The following AKAP6 variants were observed in gnomAD, a reference collection of about 807,000 sequenced individuals.
AKAP6 encodes A-kinase anchoring protein 6, also known as A-kinase anchor protein 6.
In AKAP6, 58 loss-of-function variants were observed where a neutral mutation model predicts 188.5. The ratio of observed to expected loss-of-function variants is 0.31; its 90% CI spans 0.25 to 0.38. The LOEUF (loss-of-function observed/expected upper bound fraction) is 0.38, where lower values mean the gene tolerates loss of function less well. AKAP6 is among the 10% of genes least tolerant of loss of function. The pLI, the probability that AKAP6 is intolerant of heterozygous loss-of-function variation, is 1.00. For synonymous variants in AKAP6, 989 were observed against 998.6 expected (o/e 0.99, Z 0.18); for missense variants, 2,710 against 2,740.0 (o/e 0.99, Z 0.24).
At chr14:32,560,881 C>G (rs368337324) in intron 4 of AKAP6, among the ~76,000 whole-genome samples, 2 of 152,010 alleles carry the variant, frequency 1.3e-5, no homozygotes, top group African/African-American at 4.8e-5. Context: ...ATTTCTTGTC[C>G]CCTTGCAAAC....
intron 2 of AKAP6, among the ~76,000 whole-genome samples, chr14:32,515,021 A>G (rs975823858): frequency 6.6e-6 from 1 of 152,152 alleles, no homozygotes; most frequent in East Asian, 1.9e-4. Context: ...CCTAGAATGT[A>G]TTAGTCTGTT....
At chr14:32,524,524 G>A (rs1882024366) in intron 2 of AKAP6, among the ~76,000 whole-genome samples, 2 of 151,996 alleles carry the variant, frequency 1.3e-5, no homozygotes, top group Admixed American at 1.3e-4. Flanking sequence ...ACAGTCATTT[G>A]TTTCATTTTA....
chr14:32,650,194 G>A (rs1253412973), intron 7 of AKAP6, among the ~76,000 whole-genome samples: 1 of 152,114 alleles, frequency 6.6e-6, no homozygotes, highest in Admixed American at 6.6e-5. Context: ...ATGCAAATGA[G>A]GATATCCAGT....
chr14:32,520,821 G>C lies in AKAP6; in HGVS notation c.325-14733G>C, dbSNP rs189801184. Among the ~76,000 whole-genome samples the C allele has an allele frequency of 3.7e-3, 562 of 152,220 alleles. 2 individuals carry two copies. The highest frequency in any genetic ancestry group is 0.024 in the Middle Eastern group (7 of 294). ...ACTATTCCAATCAATAGAAAAAGAGGGAATCCTCCCTAACTCATTTTATGA... is the reference window on the plus strand; with the variant it reads ...ACTATTCCAATCAATAGAAAAAGAGCGAATCCTCCCTAACTCATTTTATGA... On this transcript the variant is annotated intron_variant, in intron 2 of 13. Transcript: ENST00000280979.
At chr14:32,632,452 T>G (rs1887315291) in intron 7 of AKAP6, among the ~76,000 whole-genome samples, 1 of 152,106 alleles carries the variant, frequency 6.6e-6, no homozygotes, top group African/African-American at 2.4e-5. Context: ...CTATAAAATA[T>G]TTTGTAGGAT....
chr14:32,796,063 T>A (rs999884470), intron 12 of AKAP6, among the ~76,000 whole-genome samples: 3 of 152,094 alleles, frequency 2.0e-5, no homozygotes, highest in African/African-American at 7.2e-5. Flanking sequence ...TATGTAGGAA[T>A]ATAGCTAACA....
intron 8 of AKAP6, among the ~76,000 whole-genome samples, chr14:32,691,987 T>C (rs1022309055): frequency 1.3e-5 from 2 of 152,234 alleles, no homozygotes; most frequent in African/African-American, 4.8e-5. Flanking sequence ...AAAAAGTTTT[T>C]GTCTTCTGTT....
intron 1 of AKAP6, among the ~76,000 whole-genome samples, chr14:32,343,083 G>A (rs1886941113): frequency 6.6e-6 from 1 of 152,124 alleles, no homozygotes; most frequent in African/African-American, 2.4e-5. Context: ...CATGAGGAAG[G>A]CAGATAGGAT....
rs773818250 is a variant in AKAP6 at position 32,822,107 on chromosome 14, C to T, written c.4294C>T (p.Pro1432Ser). 3 of 1,613,916 alleles carry T rather than the reference C, an allele frequency of 1.9e-6. No individual in the cohort carries two copies. Among genetic ancestry groups the T allele is most frequent in the Non-Finnish European group, 2.5e-6 (3 of 1,179,934 alleles). ...LPNSSQSSIS[P>S]VGCVNGKVGD... ...AAATAGCTCTCAGTCGTCCATTTCA[C>T]CAGTGGGTTGTGTAAATGGAAAAGT... Residue 1432 changes from proline to serine, a missense_variant, in exon 13 of 14, where the codon CCA (proline) becomes TCA (serine). This residue lies in a region of AKAP6 where 2,473 missense variants were observed against 2,426.1 expected (regional missense o/e 1.02). Transcript: ENST00000280979.
intron 1 of AKAP6, among the ~76,000 whole-genome samples, chr14:32,404,706 A>ATATATATATATATATATATATG (rs1157356858): frequency 7.5e-6 from 1 of 133,082 alleles, no homozygotes; most frequent in Non-Finnish European, 1.6e-5. Flanking sequence ...ATATATATAT[A>ATATATATATATATATATATATG]TATATTAGTC....
chr14:32,630,763 T>C (rs1201278992), intron 7 of AKAP6, among the ~76,000 whole-genome samples: 1 of 152,122 alleles, frequency 6.6e-6, no homozygotes, highest in East Asian at 1.9e-4. Context: ...ATGTTTTAAA[T>C]AATTTATTTT....
At chr14:32,372,000 T>C (rs537450347) in intron 1 of AKAP6, among the ~76,000 whole-genome samples, 2 of 150,786 alleles carry the variant, frequency 1.3e-5, no homozygotes, top group African/African-American at 4.9e-5. Flanking sequence ...CTTCCTTCTC[T>C]TTTTTTTTCC....
intron 7 of AKAP6, among the ~76,000 whole-genome samples, chr14:32,675,182 A>G (rs374744653): frequency 4.7e-4 from 72 of 152,270 alleles, no homozygotes; most frequent in African/African-American, 1.7e-3. Context: ...ATATAAATCC[A>G]GCCGATTTCT....
chr14:32,540,362 C>T (rs1428913703), intron 3 of AKAP6, among the ~76,000 whole-genome samples: 2 of 151,530 alleles, frequency 1.3e-5, no homozygotes, highest in Admixed American at 1.3e-4. Context: ...CCACGCCCAG[C>T]TAATTTTTGT....
At chr14:32,638,941 A>G (rs1887639710) in intron 7 of AKAP6, among the ~76,000 whole-genome samples, 1 of 152,110 alleles carries the variant, frequency 6.6e-6, no homozygotes, top group Non-Finnish European at 1.5e-5. Context: ...AACAAAGAAT[A>G]TGAAATGCTT....
At chr14:32,732,056 T>C (rs1162582065) in intron 9 of AKAP6, among the ~76,000 whole-genome samples, 2 of 152,062 alleles carry the variant, frequency 1.3e-5, no homozygotes, top group African/African-American at 4.8e-5. Context: ...ATGAATAATT[T>C]TTTTTCTTTC....
chr14:32,701,258 T>C (rs1855718065), intron 9 of AKAP6, among the ~76,000 whole-genome samples: 3 of 152,130 alleles, frequency 2.0e-5, no homozygotes, highest in Admixed American at 6.6e-5. Flanking sequence ...GACTAGAAGT[T>C]GCATCTGTAA....
intron 8 of AKAP6, among the ~76,000 whole-genome samples, chr14:32,685,225 C>T (rs959842697): frequency 1.3e-4 from 20 of 151,976 alleles, no homozygotes; most frequent in South Asian, 4.2e-4. Flanking sequence ...GATAATGCCA[C>T]TGCACTCCAA....
intron 12 of AKAP6, among the ~76,000 whole-genome samples, chr14:32,779,057 G>T (rs77049796): frequency 6.6e-6 from 1 of 151,788 alleles, no homozygotes; most frequent in Non-Finnish European, 1.5e-5. Flanking sequence ...AACAATGATC[G>T]GATTAGGTTT....
Sources: gnomAD v4.1 joint callset for allele counts (sites outside exome capture counted in the v4.1 genomes callset) on GRCh38, gnomAD v4.1.1 for gene constraint, gnomAD v4.1.1 regional missense constraint, MANE v1.5 for transcripts, NCBI Gene and HGNC (gene_info 2026-07-23, HGNC 2026-07-21) for gene names.